Variants in NR2C2 observed in about 807,000 individuals in gnomAD.
The protein encoded by NR2C2 is nuclear receptor subfamily 2 group C member 2, also known as Nuclear hormone receptor TR4.
A neutral mutation model predicts 62.9 loss-of-function variants in NR2C2; 6 were observed. The observed-to-expected ratio is 0.10, with a 90% CI of 0.05 to 0.19. The LOEUF (loss-of-function observed/expected upper bound fraction) is 0.19, where lower values mean the gene tolerates loss of function less well. Among genes scored for constraint, NR2C2 ranks in the 10% least tolerant of loss-of-function variants. NR2C2 has a pLI of 1.00. For synonymous variants in NR2C2, 272 were observed against 273.8 expected, an observed-to-expected ratio of 0.99 and a Z score of 0.07; for missense variants, 479 against 762.7, an observed-to-expected ratio of 0.63 and a Z score of 4.38.
intron 1 of NR2C2, among the ~76,000 whole-genome samples, chr3:14,981,275 C>T (rs567229215): frequency 5.1e-4 from 78 of 152,108 alleles, no homozygotes; most frequent in African/African-American, 1.7e-3. Context: ...AAGACCAGAC[C>T]GGACAATATG....
chr3:14,991,741 CCTTTTTT>C (rs918377578), intron 1 of NR2C2, among the ~76,000 whole-genome samples: 4 of 150,746 alleles, frequency 2.7e-5, no homozygotes, highest in Admixed American at 2.0e-4. Context: ...TTTTTTAATC[CCTTTTTT>C]CTTTTTTTTT....
At chr3:14,980,130 A>G (rs1242364225) in intron 1 of NR2C2, among the ~76,000 whole-genome samples, 4 of 151,896 alleles carry the variant, frequency 2.6e-5, no homozygotes, top group Non-Finnish European at 5.9e-5. Flanking sequence ...AGTTGTTAAG[A>G]TTCCTACTCT....
At chr3:14,975,470 ATGAT>A (rs1689118033) in intron 1 of NR2C2, among the ~76,000 whole-genome samples, 1 of 152,114 alleles carries the variant, frequency 6.6e-6, no homozygotes. Flanking sequence ...AGTTCAGAGG[ATGAT>A]GTGTTTTTTT....
intron 1 of NR2C2, among the ~76,000 whole-genome samples, chr3:14,990,031 A>T (rs1236544736): frequency 6.6e-6 from 1 of 151,432 alleles, no homozygotes; most frequent in Non-Finnish European, 1.5e-5. Context: ...TGAGCCCAGG[A>T]GGTCAAGGCT....
chr3:14,987,625 T>C (rs189398367), intron 1 of NR2C2, among the ~76,000 whole-genome samples: 3 of 152,346 alleles, frequency 2.0e-5, no homozygotes, highest in East Asian at 3.9e-4. Context: ...CTCGTACTTG[T>C]CTTCCTCCAT....
rs2042151654 is a variant in NR2C2 at position 15,038,013 on chromosome 3, T to A, written c.1386T>A (p.Gly462=). ...QNSIQEDKLS[G]DRIKQVMEHI... is the part of the protein sequence containing the mutation. Reference sequence around the variant, plus strand: ...GTTGGTTTCTAGATAAACTTTCTGGTGACCGGATAAAGCAAGTCATGGAGC... The same window carrying A: ...GTTGGTTTCTAGATAAACTTTCTGGAGACCGGATAAAGCAAGTCATGGAGC... The change falls in exon 12 of 14, where the codon GGT becomes GGA. Residue 462 remains glycine (G), a synonymous_variant. Transcript: ENST00000425241. The A allele has an allele frequency of 6.2e-7, 1 of 1,613,390 alleles. No homozygotes were observed. Among genetic ancestry groups the A allele is most frequent in the South Asian group, 1.1e-5 (1 of 90,916 alleles).
intron 13 of NR2C2, 36 bp downstream of exon 13, chr3:15,039,263 C>G: frequency 7.1e-7 from 1 of 1,409,508 alleles, no homozygotes; most frequent in Non-Finnish European, 1.0e-6. Flanking sequence ...TTGCTTGGGG[C>G]TGCAAGGAGT....
At chr3:14,987,467 C>T (rs928419067) in intron 1 of NR2C2, among the ~76,000 whole-genome samples, 2 of 152,104 alleles carry the variant, frequency 1.3e-5, no homozygotes, top group Admixed American at 6.5e-5. Flanking sequence ...ATTCATACTG[C>T]TAATTTCTAG....
chr3:14,995,691 G>GTGTGTGTGTGTGTA (rs1179128647), intron 1 of NR2C2, among the ~76,000 whole-genome samples: 3 of 151,914 alleles, frequency 2.0e-5, no homozygotes, highest in African/African-American at 7.3e-5. Flanking sequence ...GTGTGTGTGT[G>GTGTGTGTGTGTGTA]TACACCTAAG....
chr3:14,964,681 ATTTT>A (rs1165766504), intron 1 of NR2C2, among the ~76,000 whole-genome samples: 1 of 139,006 alleles, frequency 7.2e-6, no homozygotes, highest in Non-Finnish European at 1.6e-5. Flanking sequence ...CACCCGGCTA[ATTTT>A]TTTTTTTTTT....
intron 1 of NR2C2, chr3:14,948,140 G>T (rs534118045): frequency 6.6e-6 from 1 of 152,262 alleles, no homozygotes; most frequent in South Asian, 2.1e-4. Context: ...CCGGCGCAAG[G>T]GTGGGGGTGG....
At chr3:14,987,630 C>T (rs1446201437) in intron 1 of NR2C2, among the ~76,000 whole-genome samples, 1 of 152,008 alleles carries the variant, frequency 6.6e-6, no homozygotes, top group Non-Finnish European at 1.5e-5. Flanking sequence ...ACTTGTCTTC[C>T]TCCATAATGC....
chr3:14,978,850 C>T (rs1036353754), intron 1 of NR2C2, among the ~76,000 whole-genome samples: 1 of 152,166 alleles, frequency 6.6e-6, no homozygotes, highest in Non-Finnish European at 1.5e-5. Context: ...ACAGACTATA[C>T]CTCCTTTTTT....
intron 1 of NR2C2, among the ~76,000 whole-genome samples, chr3:14,951,810 C>T (rs1255832655): frequency 5.3e-5 from 8 of 151,814 alleles, no homozygotes; most frequent in African/African-American, 1.5e-4. Context: ...TGCAGTGGTG[C>T]GATCTCGGCT....
chr3:14,949,520 C>T (rs1288127607), intron 1 of NR2C2, among the ~76,000 whole-genome samples: 1 of 152,182 alleles, frequency 6.6e-6, no homozygotes, highest in African/African-American at 2.4e-5. Flanking sequence ...AACAAATCTT[C>T]AATGTAATAA....
chr3:14,951,865 C>A (rs950069525), intron 1 of NR2C2, among the ~76,000 whole-genome samples: 1 of 152,056 alleles, frequency 6.6e-6, no homozygotes, highest in Middle Eastern at 3.2e-3. Flanking sequence ...CTTCTGCCTC[C>A]GCCTCCCCAG....
At position 15,047,086 on chromosome 3, in the gene NR2C2, C is replaced by T. The variant is rs2042483258; in HGVS notation, c.*4078C>T. The T allele has an allele frequency of 6.6e-6, 1 of 152,618 alleles. No homozygotes were observed. Among genetic ancestry groups the T allele is most frequent in the South Asian group, 2.1e-4 (1 of 4,830 alleles). The allele number at this position is 152,618 out of a possible 1,614,324, so 9.5% of individuals were successfully genotyped here. On this transcript the variant is annotated 3_prime_UTR_variant, in exon 14 of 14. Coordinates refer to ENST00000425241, the MANE Select transcript of NR2C2 (RefSeq NM_001291694.2). Reference sequence around the variant, plus strand: ...TGTGTTTATATCCTCTCCATATGTACAGTGTATATAGTGTGTGTATGTGTA... The same window carrying T: ...TGTGTTTATATCCTCTCCATATGTATAGTGTATATAGTGTGTGTATGTGTA...
chr3:15,016,658 G>T (rs970677400), intron 4 of NR2C2, among the ~76,000 whole-genome samples: 1 of 152,104 alleles, frequency 6.6e-6, no homozygotes, highest in South Asian at 2.1e-4. Context: ...GTAAATAACT[G>T]CTGTAATGAA....
chr3:15,042,508 TAGC>T (rs1035968344), intron 13 of NR2C2: 1 of 222,168 alleles, frequency 4.5e-6, no homozygotes, highest in Non-Finnish European at 8.8e-6. Context: ...AATGAGTCTC[TAGC>T]AGTTCATCAT....
Sources: allele counts gnomAD v4.1 joint callset (sites outside exome capture counted in the v4.1 genomes callset), GRCh38; gene constraint gnomAD v4.1.1; transcripts MANE v1.5; gene names NCBI Gene and HGNC (gene_info 2026-07-23, HGNC 2026-07-21).